Variants in PRPS2 observed in about 807,000 individuals in gnomAD.
The protein encoded by PRPS2 is ribose-phosphate pyrophosphokinase 2.
For synonymous variants in PRPS2, 111 were observed against 115.3 expected (o/e 0.96, Z 0.24); for missense variants, 104 against 271.5 (o/e 0.38, Z 4.34).
At chrX:12,806,768 C>T (rs891982539) in intron 2 of PRPS2, among the ~76,000 whole-genome samples, 2 of 112,397 alleles carry the variant, frequency 1.8e-5, no homozygotes, top group African/African-American at 6.5e-5. Context: ...CAAAATACCA[C>T]ACACTGGGTA....
At position 12,791,449 on chromosome X, in the gene PRPS2, C is replaced by T. The variant is rs769932822; in HGVS notation, c.-49C>T. ...TCCCGCGTCGCTGTCGCTGTTGCCT[C>T]CGCCACCTCCTCCGCCGCCGCGCGC... On this transcript the variant is annotated 5_prime_UTR_variant, in exon 1 of 7. Coordinates refer to ENST00000380668, the MANE Select transcript of PRPS2 (RefSeq NM_002765.5). The T allele has an allele frequency of 4.2e-6, 5 of 1,179,400 alleles. No individual in the cohort carries two copies. The highest frequency in any genetic ancestry group is 2.3e-5 in the Admixed American group (1 of 43,998).
At chrX:12,806,847 G>C (rs2042595606) in intron 2 of PRPS2, among the ~76,000 whole-genome samples, 1 of 112,049 alleles carries the variant, frequency 8.9e-6, no homozygotes, top group Admixed American at 9.5e-5. Flanking sequence ...CCAGCACTTT[G>C]GGAGGCTGAG....
In PRPS2 at chrX:12,791,666, G is replaced by A. The variant is rs372982961; in HGVS notation, c.122+47G>A. 293 of 920,763 alleles carry A rather than the reference G, an allele frequency of 3.2e-4. No individual in the cohort carries two copies. The East Asian group carries it at 0.013, about 42-fold the overall frequency. The allele number at this position is 920,763 out of a possible 1,213,427, so 75.9% of individuals were successfully genotyped here. A position where few individuals can be genotyped will look rare whatever the true frequency, so the allele number is the denominator to read the frequency against. Reference sequence around the variant, plus strand: ...GGGCTAGGGAGAGCGCTGGGCACGCGGCTGCGGGGCCGGGTTGGGGGCCGG... The same window carrying A: ...GGGCTAGGGAGAGCGCTGGGCACGCAGCTGCGGGGCCGGGTTGGGGGCCGG... On this transcript the variant is annotated intron_variant, in intron 1 of 6. Coordinates refer to ENST00000380668, the MANE Select transcript of PRPS2 (RefSeq NM_002765.5).
chrX:12,807,349 C>A (rs1179265340), intron 2 of PRPS2, among the ~76,000 whole-genome samples: 4 of 112,427 alleles, frequency 3.6e-5, no homozygotes, highest in Non-Finnish European at 7.5e-5. Context: ...ACTTCTTAAT[C>A]CTATCACATT....
intron 2 of PRPS2, 106 bp from the exon 3 acceptor site, chrX:12,809,128 C>T: frequency 1.4e-6 from 1 of 702,991 alleles, no homozygotes; most frequent in Non-Finnish European, 2.1e-6. Flanking sequence ...CTTTTTGATG[C>T]TTCGTTGATT....
intron 3 of PRPS2, 150 bp downstream of exon 3, chrX:12,809,482 T>C (rs879195733): frequency 3.4e-6 from 2 of 589,660 alleles, no homozygotes; most frequent in Admixed American, 7.9e-5. Flanking sequence ...ATATTAGTAC[T>C]TCCAGTCTCT....
intron 5 of PRPS2, 45 bp from the exon 6 acceptor site, chrX:12,820,599 A>C (rs754277325): frequency 8.5e-7 from 1 of 1,170,710 alleles, no homozygotes; most frequent in African/African-American, 1.8e-5. Flanking sequence ...GAGTATTCCA[A>C]GAATATTTGC....
Position 12,800,207 on chromosome X carries a change from C to T in PRPS2, c.306+817C>T, listed in dbSNP as rs140217921. On this transcript the variant is annotated intron_variant, in intron 2 of 6. Transcript: ENST00000380668. ...TGAAATCAAGGAATGGGCAGGGGCA[C>T]GCTCCCTCTGAAGGCTGTAAGGGAG... is the stretch of plus-strand genomic sequence containing the variant. Among the ~76,000 whole-genome samples, 502 of 111,777 alleles carry T rather than the reference C, an allele frequency of 4.5e-3. 1 individual carries two copies. Among genetic ancestry groups the T allele is most frequent in the Non-Finnish European group, 7.7e-3 (409 of 53,123 alleles).
chrX:12,813,524 G>A (rs1199858462), intron 4 of PRPS2, among the ~76,000 whole-genome samples: 1 of 112,064 alleles, frequency 8.9e-6, no homozygotes, highest in African/African-American at 3.2e-5. Flanking sequence ...TATACCAGTT[G>A]ACATTCCATC....
At chrX:12,794,508 C>T (rs2042534477) in intron 1 of PRPS2, among the ~76,000 whole-genome samples, 1 of 112,001 alleles carries the variant, frequency 8.9e-6, no homozygotes, top group Admixed American at 9.4e-5. Context: ...GGAGACTAGA[C>T]CCTGCTCCTT....
At chrX:12,797,227 G>A (rs746066593) in intron 1 of PRPS2, among the ~76,000 whole-genome samples, 32 of 110,139 alleles carry the variant, frequency 2.9e-4, no homozygotes, top group Non-Finnish European at 4.9e-4. Flanking sequence ...GCGTGGTGGT[G>A]CATGCCTGTA....
chrX:12,820,998 G>A (rs751316836), intron 6 of PRPS2, among the ~76,000 whole-genome samples, 195 bp downstream of exon 6: 1 of 112,143 alleles, frequency 8.9e-6, no homozygotes, highest in East Asian at 2.8e-4. Flanking sequence ...GTCAACGTTC[G>A]CTATTTAGAA....
intron 2 of PRPS2, among the ~76,000 whole-genome samples, chrX:12,801,370 T>G (rs1365820025): frequency 1.8e-5 from 2 of 111,872 alleles, no homozygotes; most frequent in Non-Finnish European, 3.8e-5. Flanking sequence ...GCTCCTTTTA[T>G]TTTAAACTTG....
chrX:12,809,860 G>C (rs1162057823), intron 3 of PRPS2, among the ~76,000 whole-genome samples, 162 bp from the exon 4 acceptor site: 2 of 112,190 alleles, frequency 1.8e-5, no homozygotes, highest in Non-Finnish European at 3.8e-5. Flanking sequence ...TCTGTCTTTT[G>C]ATTTAATTCT....
Position 12,822,889 on chromosome X carries a change from G to A in PRPS2, c.*93G>A, listed in dbSNP as rs1209587544. 5 of 628,793 alleles carry A rather than the reference G, an allele frequency of 8.0e-6. No individual in the cohort carries two copies. In the East Asian group the frequency reaches 1.7e-4, roughly 22 times the overall value. 51.8% of individuals were successfully genotyped at this position (628,793 alleles called of 1,213,427 possible). Reference sequence around the variant, plus strand: ...AGCTGTAGGTATTCAGCAATGATAGGTTAATCACTGGCAAAAGCATCAGAT... The same window carrying A: ...AGCTGTAGGTATTCAGCAATGATAGATTAATCACTGGCAAAAGCATCAGAT... On this transcript the variant is annotated 3_prime_UTR_variant, in exon 7 of 7. Coordinates refer to ENST00000380668, the MANE Select transcript of PRPS2 (RefSeq NM_002765.5).
chrX:12,797,083 T>G (rs2147214418), intron 1 of PRPS2, among the ~76,000 whole-genome samples: 1 of 109,888 alleles, frequency 9.1e-6, no homozygotes, highest in African/African-American at 3.3e-5. Flanking sequence ...ACTGGCTGGG[T>G]GCAATGGCTC....
At chrX:12,802,504 A>G (rs1366357830) in intron 2 of PRPS2, among the ~76,000 whole-genome samples, 1 of 110,995 alleles carries the variant, frequency 9.0e-6, no homozygotes, top group East Asian at 2.8e-4. Context: ...CGCCTGGCTA[A>G]TTTTTTGTAT....
chrX:12,792,649 GT>G (rs2042525661), intron 1 of PRPS2, among the ~76,000 whole-genome samples: 1 of 111,957 alleles, frequency 8.9e-6, no homozygotes, highest in South Asian at 3.7e-4. Context: ...TTTGGCAAAG[GT>G]TCAATTTTAC....
At chrX:12,792,115 C>T (rs1270693147) in intron 1 of PRPS2, among the ~76,000 whole-genome samples, 1 of 112,977 alleles carries the variant, frequency 8.9e-6, no homozygotes, top group African/African-American at 3.2e-5. Flanking sequence ...CCCCCCGTCC[C>T]CAACTCTGGT....
Sources: allele counts gnomAD v4.1 joint callset (sites outside exome capture counted in the v4.1 genomes callset), GRCh38; gene constraint gnomAD v4.1.1; transcripts MANE v1.5; gene names NCBI Gene and HGNC (gene_info 2026-07-23, HGNC 2026-07-21).